Variants in BCAT1 observed in about 807,000 individuals in gnomAD.
BCAT1 encodes branched-chain-amino-acid aminotransferase, cytosolic.
In BCAT1, 48 loss-of-function variants were observed where a neutral mutation model predicts 52.4. That is an observed-to-expected ratio of 0.92 (90% CI 0.73 to 1.16). BCAT1 has a LOEUF of 1.16. BCAT1 is among the 50% of genes most tolerant of loss of function. BCAT1 has a pLI of 0.00. For missense variants in BCAT1, 451 were observed against 457.1 expected (o/e 0.99, Z 0.12); for synonymous variants, 167 against 161.3 (o/e 1.04, Z -0.27).
At chr12:24,919,947 C>T (rs1943478419) in intron 1 of BCAT1, among the ~76,000 whole-genome samples, 1 of 152,188 alleles carries the variant, frequency 6.6e-6, no homozygotes, top group Non-Finnish European at 1.5e-5. Flanking sequence ...TGCCTTTTGC[C>T]TTCTGCCATG....
At chr12:24,920,376 G>A (rs570776940) in intron 1 of BCAT1, among the ~76,000 whole-genome samples, 11 of 152,328 alleles carry the variant, frequency 7.2e-5, no homozygotes, top group African/African-American at 2.4e-4. Context: ...GCAGGGCTGA[G>A]AAGTAATGCT....
At position 24,948,699 on chromosome 12, in the gene BCAT1, G is replaced by T. The variant is rs555659530; in HGVS notation, c.6+228C>A. ...CGTTCCCAAAAGCGAATGTGAAAAA[G>T]TCCGAGAAGGCACGTCCTGCGAGTG... On this transcript the variant is annotated intron_variant, in intron 1 of 10. Transcript: ENST00000261192. Among the ~76,000 whole-genome samples, 4 of 152,308 alleles carry T rather than the reference G, an allele frequency of 2.6e-5. No homozygotes were observed. The East Asian group carries it at 7.7e-4, about 29-fold the overall frequency.
At chr12:24,823,260 A>T (rs926369537) in intron 10 of BCAT1, among the ~76,000 whole-genome samples, 4 of 151,848 alleles carry the variant, frequency 2.6e-5, no homozygotes, top group Non-Finnish European at 5.9e-5. Context: ...TTTTTTGTAG[A>T]GACAGGGATT....
intron 10 of BCAT1, among the ~76,000 whole-genome samples, chr12:24,827,162 C>T (rs1940438786): frequency 6.6e-6 from 1 of 152,048 alleles, no homozygotes; most frequent in South Asian, 2.1e-4. Flanking sequence ...GGCCTCTAAA[C>T]CTCTGTTTTG....
chr12:24,909,480 G>A (rs1002457409), intron 1 of BCAT1, among the ~76,000 whole-genome samples: 2 of 152,224 alleles, frequency 1.3e-5, no homozygotes, highest in African/African-American at 4.8e-5. Flanking sequence ...TAGTAACAAA[G>A]TGCCACAAAC....
At chr12:24,856,639 T>G (rs1294476675) in intron 5 of BCAT1, among the ~76,000 whole-genome samples, 1 of 152,044 alleles carries the variant, frequency 6.6e-6, no homozygotes, top group Non-Finnish European at 1.5e-5. Context: ...TTACCAGAAA[T>G]CAGCTTTACA....
rs2139273222 is a variant in BCAT1, at chr12:24,810,528, T to C, written c.*7480A>G. 6.6e-6 allele frequency: 1 copy of C among 152,342 alleles called. No homozygotes were observed. Among genetic ancestry groups the C allele is most frequent in the East Asian group, 1.9e-4 (1 of 5,186 alleles). 9.4% of individuals were successfully genotyped at this position (152,342 alleles called of 1,614,324 possible). ...TATAAGCTCCAGTAAATGTATGTCA[T>C]CACCCTCAGGAATGACAGGTCTCTC... is the stretch of plus-strand genomic sequence containing the variant. On this transcript the variant is annotated 3_prime_UTR_variant, in exon 11 of 11. Coordinates refer to ENST00000261192, the MANE Select transcript of BCAT1 (RefSeq NM_005504.7).
intron 1 of BCAT1, among the ~76,000 whole-genome samples, chr12:24,935,355 A>T (rs1943737074): frequency 6.6e-6 from 1 of 152,126 alleles, no homozygotes; most frequent in African/African-American, 2.4e-5. Flanking sequence ...CAGGAAAGAG[A>T]GCTCTACATG....
At chr12:24,832,149 A>G (rs1199586632) in intron 9 of BCAT1, among the ~76,000 whole-genome samples, 2 of 152,300 alleles carry the variant, frequency 1.3e-5, no homozygotes, top group Non-Finnish European at 2.9e-5. Flanking sequence ...CAGAAACTGA[A>G]ATGTAACTAC....
rs142452625 is a variant in BCAT1, at chr12:24,923,352, G to C, written c.7-21467C>G. Among the ~76,000 whole-genome samples the C allele has an allele frequency of 8.1e-4, 124 of 152,282 alleles. 1 individual carries two copies. The highest frequency in any genetic ancestry group is 3.4e-3 in the Middle Eastern group (1 of 294). On this transcript the variant is annotated intron_variant, in intron 1 of 10. Coordinates refer to ENST00000261192, the MANE Select transcript of BCAT1 (RefSeq NM_005504.7). Reference sequence around the variant, plus strand: ...GTAGACTGAGAAGCCTTGGTCAACTGTGCAGAAGCAGAGGACGGGGCTGTC... The same window carrying C: ...GTAGACTGAGAAGCCTTGGTCAACTCTGCAGAAGCAGAGGACGGGGCTGTC...
chr12:24,845,969 A>G (rs1359705333), intron 6 of BCAT1, among the ~76,000 whole-genome samples: 1 of 152,242 alleles, frequency 6.6e-6, no homozygotes, highest in Non-Finnish European at 1.5e-5. Context: ...GAAGCAGTGA[A>G]GTTTTACCCT....
At chr12:24,888,062 G>C (rs188275071) in intron 3 of BCAT1, among the ~76,000 whole-genome samples, 102 of 152,310 alleles carry the variant, frequency 6.7e-4, no homozygotes, top group African/African-American at 2.4e-3. Flanking sequence ...ATTCAATCAT[G>C]TGATGTCCTA....
At chr12:24,902,172 T>G in intron 1 of BCAT1, 1 of 1,433,884 alleles carries the variant, frequency 7.0e-7, no homozygotes, top group Non-Finnish European at 9.1e-7. Context: ...AGAGCCAGGG[T>G]TCGCCGGCAA....
At chr12:24,819,005 CTG>C (rs1403064318) in intron 10 of BCAT1, among the ~76,000 whole-genome samples, 2 of 152,270 alleles carry the variant, frequency 1.3e-5, no homozygotes, top group East Asian at 3.9e-4. Flanking sequence ...CCCACAGTAA[CTG>C]TACATAGAAG....
At position 24,831,197 on chromosome 12, in the gene BCAT1, T is replaced by C. The variant is rs1940650880; in HGVS notation, c.1045-1300A>G. ...ACTTCCATGTAATGAATAGTAAATATATTTTCCCTTCCCCATGATTTTCGT... is the reference window on the plus strand; with the variant it reads ...ACTTCCATGTAATGAATAGTAAATACATTTTCCCTTCCCCATGATTTTCGT... On this transcript the variant is annotated intron_variant, in intron 9 of 10. Coordinates refer to ENST00000261192, the MANE Select transcript of BCAT1 (RefSeq NM_005504.7). 5.3e-5 allele frequency among the ~76,000 whole-genome samples: 8 copies of C among 152,328 alleles called. No individual in the cohort carries two copies. The South Asian group carries it at 1.5e-3, about 28-fold the overall frequency.
intron 5 of BCAT1, among the ~76,000 whole-genome samples, chr12:24,859,980 G>A (rs938853735): frequency 4.6e-5 from 7 of 152,180 alleles, no homozygotes; most frequent in African/African-American, 1.7e-4. Flanking sequence ...CCTAAATTCT[G>A]ATATGACTTA....
At chr12:24,819,189 G>A (rs138700027) in intron 10 of BCAT1, among the ~76,000 whole-genome samples, 29 of 151,916 alleles carry the variant, frequency 1.9e-4, no homozygotes, top group African/African-American at 3.4e-4. Context: ...TGTGTTCACC[G>A]AGCCTTGTGT....
chr12:24,887,520 G>T (rs2139626321), intron 3 of BCAT1, among the ~76,000 whole-genome samples: 1 of 152,258 alleles, frequency 6.6e-6, no homozygotes, highest in Admixed American at 6.5e-5. Flanking sequence ...ACTCCATAAA[G>T]GAAAGCAAAG....
chr12:24,857,156 T>C (rs1394228203), intron 5 of BCAT1, among the ~76,000 whole-genome samples: 2 of 152,240 alleles, frequency 1.3e-5, no homozygotes, highest in East Asian at 3.8e-4. Context: ...ATGAGTCCTT[T>C]CTGGTTTGAT....
Sources: gnomAD v4.1 joint callset for allele counts (sites outside exome capture counted in the v4.1 genomes callset) on GRCh38, gnomAD v4.1.1 for gene constraint, MANE v1.5 for transcripts, NCBI Gene and HGNC (gene_info 2026-07-23, HGNC 2026-07-21) for gene names.